Variants in GPR158 observed in about 807,000 individuals in gnomAD.
The protein encoded by GPR158 is metabotropic glycine receptor.
A neutral mutation model predicts 78.2 loss-of-function variants in GPR158; 30 were observed. The ratio of observed to expected loss-of-function variants is 0.38; its 90% CI spans 0.29 to 0.52. The LOEUF is 0.52. Among genes scored for constraint, GPR158 ranks in the 20% least tolerant of loss-of-function variants. The pLI is 0.83. For synonymous variants in GPR158, 581 were observed against 591.1 expected, an observed-to-expected ratio of 0.98 and a Z score of 0.25; for missense variants, 1,463 against 1,523.5, an observed-to-expected ratio of 0.96 and a Z score of 0.66.
chr10:25,218,156 C>T (rs991347239), intron 1 of GPR158, among the ~76,000 whole-genome samples: 7 of 152,046 alleles, frequency 4.6e-5, no homozygotes, highest in African/African-American at 1.7e-4. Context: ...TTCCCCCCGA[C>T]AGGAAGTCTA....
rs115025958 is a variant in GPR158, at chr10:25,320,264, A to G, written c.1009-75647A>G. 9.7e-3 allele frequency among the ~76,000 whole-genome samples: 1,477 copies of G among 152,216 alleles called. 25 individuals are homozygous for G. The highest frequency in any genetic ancestry group is 0.034 in the African/African-American group (1,404 of 41,528). On this transcript the variant is annotated intron_variant, in intron 2 of 10. Coordinates refer to ENST00000376351, the MANE Select transcript of GPR158 (RefSeq NM_020752.3). ...CCTTTTTCTACTTCTGTAGTCCTTAATAGTGGACTTTTAATGGTCTATTTA... is the reference window on the plus strand; with the variant it reads ...CCTTTTTCTACTTCTGTAGTCCTTAGTAGTGGACTTTTAATGGTCTATTTA...
At position 25,211,341 on chromosome 10, in the gene GPR158, T is replaced by C. The variant is rs977271864; in HGVS notation, c.903-9711T>C. 3.9e-5 allele frequency among the ~76,000 whole-genome samples: 6 copies of C among 152,168 alleles called. No homozygotes were observed. The South Asian group carries it at 1.2e-3, about 31-fold the overall frequency. ...CTCACAATAAATGATTAGAAGTTTATTTGACTCACAATTCCGGAGGCCAGG... is the reference window on the plus strand; with the variant it reads ...CTCACAATAAATGATTAGAAGTTTACTTGACTCACAATTCCGGAGGCCAGG... On this transcript the variant is annotated intron_variant, in intron 1 of 10. Coordinates refer to ENST00000376351, the MANE Select transcript of GPR158 (RefSeq NM_020752.3).
At chr10:25,184,069 T>C (rs1320975582) in intron 1 of GPR158, among the ~76,000 whole-genome samples, 2 of 152,232 alleles carry the variant, frequency 1.3e-5, no homozygotes, top group African/African-American at 4.8e-5. Context: ...TATTAGGAAA[T>C]GGGAAAATAA....
chr10:25,407,156 C>G (rs1487063147), intron 3 of GPR158, among the ~76,000 whole-genome samples: 1 of 152,176 alleles, frequency 6.6e-6, no homozygotes, highest in African/African-American at 2.4e-5. Flanking sequence ...TTAAGTTCTG[C>G]TTCCTGGGGA....
At chr10:25,326,414 T>C (rs1855034502) in intron 2 of GPR158, among the ~76,000 whole-genome samples, 1 of 152,134 alleles carries the variant, frequency 6.6e-6, no homozygotes, top group Non-Finnish European at 1.5e-5. Flanking sequence ...TTTTTTTGAG[T>C]TTTTAAATAT....
At chr10:25,500,226 A>G (rs1232701270) in intron 5 of GPR158, among the ~76,000 whole-genome samples, 1 of 152,216 alleles carries the variant, frequency 6.6e-6, no homozygotes, top group East Asian at 1.9e-4. Flanking sequence ...TTGAGCTTGT[A>G]GTTTCTGGCA....
At chr10:25,314,846 TAC>T (rs1854823796) in intron 2 of GPR158, among the ~76,000 whole-genome samples, 1 of 113,894 alleles carries the variant, frequency 8.8e-6, no homozygotes, top group African/African-American at 5.1e-5. Flanking sequence ...TACACGTATA[TAC>T]ATACACACAC....
chr10:25,370,272 A>G (rs1363343967), intron 2 of GPR158, among the ~76,000 whole-genome samples: 1 of 146,718 alleles, frequency 6.8e-6, no homozygotes, highest in Non-Finnish European at 1.5e-5. Flanking sequence ...GGTGTCAATT[A>G]TGGATCTTTC....
In GPR158 at chr10:25,551,005, A is replaced by G; in HGVS notation, c.1434A>G (p.Thr478=). ...PVVILYFEPS[T]FRCILLRWAR... ...TTATTTTGTACTTTGAGCCAAGCACATTTCGCTGTATTCTCCTAAGATGGG... is the reference window on the plus strand; with the variant it reads ...TTATTTTGTACTTTGAGCCAAGCACGTTTCGCTGTATTCTCCTAAGATGGG... The change falls in exon 6 of 11, where the codon ACA becomes ACG. Residue 478 remains threonine (T), a synonymous_variant. Coordinates refer to ENST00000376351, the MANE Select transcript of GPR158 (RefSeq NM_020752.3). 1 of 1,608,660 alleles carries G rather than the reference A, an allele frequency of 6.2e-7. No individual in the cohort carries two copies. Among genetic ancestry groups the G allele is most frequent in the Non-Finnish European group, 8.5e-7 (1 of 1,175,344 alleles).
intron 4 of GPR158, among the ~76,000 whole-genome samples, chr10:25,443,635 G>C (rs1209036816): frequency 6.9e-6 from 1 of 144,600 alleles, no homozygotes; most frequent in Non-Finnish European, 1.5e-5. Flanking sequence ...TCAAACTCCT[G>C]ACCTCAAGCG....
chr10:25,345,836 C>T (rs563823024), intron 2 of GPR158, among the ~76,000 whole-genome samples: 37 of 151,914 alleles, frequency 2.4e-4, no homozygotes, highest in African/African-American at 8.0e-4. Context: ...AGCCCCCAGA[C>T]GAGGTCTAGG....
chr10:25,396,380 G>A (rs1483172606), intron 3 of GPR158, among the ~76,000 whole-genome samples: 1 of 152,104 alleles, frequency 6.6e-6, no homozygotes, highest in Non-Finnish European at 1.5e-5. Context: ...TTTTAATGCT[G>A]CATAAAAAGT....
chr10:25,477,375 C>T (rs1835603103), intron 5 of GPR158, among the ~76,000 whole-genome samples: 1 of 152,154 alleles, frequency 6.6e-6, no homozygotes, highest in African/African-American at 2.4e-5. Context: ...AGGCTGGCTC[C>T]TGTATCCTTT....
chr10:25,554,916 A>G (rs576027513), intron 6 of GPR158, among the ~76,000 whole-genome samples: 2 of 152,062 alleles, frequency 1.3e-5, no homozygotes, highest in South Asian at 2.1e-4. Context: ...CTTTTTGCCT[A>G]CACCCCAGGC....
intron 2 of GPR158, among the ~76,000 whole-genome samples, chr10:25,265,407 G>A (rs1854032522): frequency 6.6e-6 from 1 of 152,112 alleles, no homozygotes; most frequent in Non-Finnish European, 1.5e-5. Context: ...TCCCTAAGTG[G>A]CCATGTACAG....
rs1253398375 is a variant in GPR158 at position 25,383,133 on chromosome 10, C to T, written c.1009-12778C>T. Among the ~76,000 whole-genome samples the T allele has an allele frequency of 2.0e-5, 3 of 152,182 alleles. No individual in the cohort carries two copies. In the East Asian group the frequency reaches 5.8e-4, roughly 29 times the overall value. ...TACAGGCATGAGCCGCCGCTCCCGG[C>T]CCAGATGAGAAGATTCAACGTTTTA... is the stretch of plus-strand genomic sequence containing the variant. On this transcript the variant is annotated intron_variant, in intron 2 of 10. Transcript: ENST00000376351.
At position 25,175,263 on chromosome 10, in the gene GPR158, A is replaced by G. The variant is rs947601082; in HGVS notation, c.-158A>G. 2.0e-5 allele frequency: 11 copies of G among 548,304 alleles called. No homozygotes were observed. In the African/African-American group the frequency reaches 2.1e-4, roughly 10 times the overall value. 34.0% of individuals were successfully genotyped at this position (548,304 alleles called of 1,614,324 possible). A position where few individuals can be genotyped will look rare whatever the true frequency, so the allele number is the denominator to read the frequency against. On this transcript the variant is annotated 5_prime_UTR_variant, in exon 1 of 11. Coordinates refer to ENST00000376351, the MANE Select transcript of GPR158 (RefSeq NM_020752.3). This position sits in a 1 kb window ranked among gnomAD's most constrained non-coding sequence, Gnocchi z 6.4. The stretch of plus-strand genomic sequence containing the variant: ...ACGGTAGCTTAGCCACCCGGGGCCA[A>G]TCTCGAAACATTCTTATTTTCAAGT...
At chr10:25,251,312 A>C (rs1433277366) in intron 2 of GPR158, among the ~76,000 whole-genome samples, 19 of 151,650 alleles carry the variant, frequency 1.3e-4, no homozygotes, top group African/African-American at 2.9e-4. Context: ...AGTCCATTTA[A>C]ATTTAAAGTT....
At chr10:25,257,436 T>G (rs984646499) in intron 2 of GPR158, among the ~76,000 whole-genome samples, 2 of 152,214 alleles carry the variant, frequency 1.3e-5, no homozygotes, top group Non-Finnish European at 2.9e-5. Context: ...GAGTTTCATG[T>G]GAACGAACAG....
Sources: gnomAD v4.1 joint callset for allele counts (sites outside exome capture counted in the v4.1 genomes callset) on GRCh38, gnomAD v4.1.1 for gene constraint, Gnocchi (gnomAD v3.1) non-coding constraint, MANE v1.5 for transcripts, NCBI Gene and HGNC (gene_info 2026-07-23, HGNC 2026-07-21) for gene names.